ANKRD11: variants seen among roughly 807,000 people sequenced by gnomAD.
ANKRD11 encodes ankyrin repeat domain-containing protein 11.
Under a neutral mutation model 195.7 loss-of-function variants are expected in ANKRD11, and 17 were observed. The ratio of observed to expected loss-of-function variants is 0.09; its 90% CI spans 0.06 to 0.13. The LOEUF is 0.13. ANKRD11 is among the 10% of genes least tolerant of loss of function. The pLI is 1.00. For synonymous variants in ANKRD11, 1,953 were observed against 1,528.1 expected, an observed-to-expected ratio of 1.28 and a Z score of -6.49; for missense variants, 3,735 against 3,566.1, an observed-to-expected ratio of 1.05 and a Z score of -1.21.
intron 1 of ANKRD11, among the ~76,000 whole-genome samples, chr16:89,448,592 G>A (rs958319901): frequency 6.6e-6 from 1 of 152,074 alleles, no homozygotes; most frequent in African/African-American, 2.4e-5. Context: ...ATTTTATAAA[G>A]GACATAAGCA....
At chr16:89,473,948 A>T (rs190077258) in intron 1 of ANKRD11, among the ~76,000 whole-genome samples, 147 of 152,344 alleles carry the variant, frequency 9.6e-4, no homozygotes, top group Non-Finnish European at 1.7e-3. Context: ...TATGTTACGT[A>T]AGACTTAGTC....
rs1396999138 is a variant in ANKRD11 at position 89,304,003 on chromosome 16, G to T, written c.226+1203C>A. On this transcript the variant is annotated intron_variant, in intron 4 of 12. Transcript: ENST00000301030. ...GGGACAGAGCCGAGGGCCTGACTCA[G>T]CACTCTCCCGGTTCACTCCAGGCTT... 2.6e-5 allele frequency among the ~76,000 whole-genome samples: 4 copies of T among 152,218 alleles called. No homozygotes were observed. The East Asian group carries it at 7.7e-4, about 29-fold the overall frequency.
chr16:89,321,743 A>G (rs1567642158), intron 2 of ANKRD11, among the ~76,000 whole-genome samples: 1 of 152,178 alleles, frequency 6.6e-6, no homozygotes, highest in Non-Finnish European at 1.5e-5. Context: ...TTCACCTTCA[A>G]TAAAGGGATG....
chr16:89,483,318 A>C (rs2057502935), intron 1 of ANKRD11, among the ~76,000 whole-genome samples: 1 of 152,248 alleles, frequency 6.6e-6, no homozygotes, highest in African/African-American at 2.4e-5. Flanking sequence ...CTTCTTTTAA[A>C]AGCCAGTCAT....
chr16:89,452,774 T>A (rs2044139241), intron 1 of ANKRD11, among the ~76,000 whole-genome samples: 1 of 97,838 alleles, frequency 1.0e-5, no homozygotes, highest in African/African-American at 3.9e-5. Flanking sequence ...AGAGAGACTC[T>A]ATCTCAAAAA....
intron 2 of ANKRD11, among the ~76,000 whole-genome samples, chr16:89,399,247 C>A (rs903996197): frequency 2.0e-5 from 3 of 152,098 alleles, no homozygotes; most frequent in Non-Finnish European, 2.9e-5. Context: ...CTTCATTTAT[C>A]CGTAAGAGAA....
At chr16:89,353,471 G>A (rs2039317790) in intron 2 of ANKRD11, among the ~76,000 whole-genome samples, 1 of 152,024 alleles carries the variant, frequency 6.6e-6, no homozygotes, top group Non-Finnish European at 1.5e-5. Flanking sequence ...CAACTACAAG[G>A]AACTGGTCAC....
At chr16:89,456,511 C>G (rs1450616952) in intron 1 of ANKRD11, among the ~76,000 whole-genome samples, 1 of 150,982 alleles carries the variant, frequency 6.6e-6, no homozygotes, top group African/African-American at 2.4e-5. Flanking sequence ...TCACGCCACT[C>G]CAGGCTGGGT....
intron 2 of ANKRD11, among the ~76,000 whole-genome samples, chr16:89,364,617 G>T (rs555250760): frequency 1.6e-4 from 25 of 152,252 alleles, no homozygotes; most frequent in Admixed American, 1.6e-3. Context: ...AACTGGCTTG[G>T]GCCACACATA....
chr16:89,484,831 T>C (rs182195636), intron 1 of ANKRD11, among the ~76,000 whole-genome samples: 2 of 152,258 alleles, frequency 1.3e-5, no homozygotes, highest in Admixed American at 6.5e-5. Context: ...CATTTTCAAA[T>C]AATGAACAGG....
intron 2 of ANKRD11, among the ~76,000 whole-genome samples, chr16:89,414,226 CTT>C (rs750733323): frequency 2.0e-5 from 3 of 152,248 alleles, no homozygotes; most frequent in African/African-American, 7.2e-5. Flanking sequence ...GTCCAAGCCT[CTT>C]TTCATATGAA....
chr16:89,365,263 C>A (rs2039896553), intron 2 of ANKRD11, among the ~76,000 whole-genome samples: 1 of 152,170 alleles, frequency 6.6e-6, no homozygotes, highest in Non-Finnish European at 1.5e-5. Flanking sequence ...TCTTTCAATC[C>A]CAGGCCATCT....
intron 2 of ANKRD11, among the ~76,000 whole-genome samples, chr16:89,381,371 G>T (rs2040647468): frequency 6.9e-6 from 1 of 143,952 alleles, no homozygotes; most frequent in Non-Finnish European, 1.5e-5. Flanking sequence ...AGAAGGGCAA[G>T]CAAGAGTTCA....
chr16:89,401,536 T>C (rs1259387688), intron 2 of ANKRD11, among the ~76,000 whole-genome samples: 1 of 152,234 alleles, frequency 6.6e-6, no homozygotes, highest in Non-Finnish European at 1.5e-5. Flanking sequence ...TTACATGTTT[T>C]ATCTTGGGTG....
intron 1 of ANKRD11, among the ~76,000 whole-genome samples, chr16:89,469,179 C>CA (rs780212666): frequency 0.011 from 1,500 of 139,478 alleles, 16 homozygotes; most frequent in Admixed American, 0.021. Context: ...GGCTCTGTTT[C>CA]AAAAAAAAAA....
At chr16:89,477,986 G>A (rs1484498127) in intron 1 of ANKRD11, among the ~76,000 whole-genome samples, 3 of 152,098 alleles carry the variant, frequency 2.0e-5, no homozygotes, top group Non-Finnish European at 2.9e-5. Context: ...TAAAAAATCA[G>A]ACCTAATATT....
At chr16:89,305,789 CGCGCCACCTCCCACTCCGCAGACAT>C (rs2036176153) in intron 3 of ANKRD11, among the ~76,000 whole-genome samples, 24 of 98,380 alleles carry the variant, frequency 2.4e-4, no homozygotes, top group Non-Finnish European at 3.8e-4. Flanking sequence ...TCCGCAGACA[CGCGCCACCTCCCACTCCGCAGACAT>C]GCGCCACTTA....
intron 2 of ANKRD11, among the ~76,000 whole-genome samples, chr16:89,406,231 G>A (rs2041900789): frequency 6.6e-6 from 1 of 152,130 alleles, no homozygotes; most frequent in Non-Finnish European, 1.5e-5. Context: ...CTGTGAGCAA[G>A]GGGCTCTCTG....
chr16:89,296,265 TTG>T, intron 4 of ANKRD11, among the ~76,000 whole-genome samples: 1 of 152,148 alleles, frequency 6.6e-6, no homozygotes. Flanking sequence ...AATTTGAGGC[TTG>T]TGTTTTTATG....
Sources: gnomAD v4.1 joint callset for allele counts (sites outside exome capture counted in the v4.1 genomes callset) on GRCh38, gnomAD v4.1.1 for gene constraint, MANE v1.5 for transcripts, NCBI Gene and HGNC (gene_info 2026-07-23, HGNC 2026-07-21) for gene names.